CACNA2D1: variants seen among roughly 807,000 people sequenced by gnomAD.
The protein encoded by CACNA2D1 is calcium voltage-gated channel auxiliary subunit alpha2delta 1.
A neutral mutation model predicts 171.5 loss-of-function variants in CACNA2D1; 53 were observed. The observed-to-expected ratio is 0.31, with a 90% CI of 0.25 to 0.39. The LOEUF is 0.39. Among genes scored for constraint, CACNA2D1 ranks in the 10% least tolerant of loss-of-function variants. The probability of loss-of-function intolerance (pLI) is 1.00; values close to 1 mark genes in which losing one functional copy is unlikely to be tolerated. For synonymous variants in CACNA2D1, 442 were observed against 443.1 expected, an observed-to-expected ratio of 1.00 and a Z score of 0.03; for missense variants, 903 against 1,299.8, an observed-to-expected ratio of 0.69 and a Z score of 4.69.
chr7:82,434,993 T>C (rs1830000746), intron 1 of CACNA2D1, among the ~76,000 whole-genome samples: 1 of 151,956 alleles, frequency 6.6e-6, no homozygotes, highest in Non-Finnish European at 1.5e-5. Flanking sequence ...TTCAAAAGTA[T>C]TGCTCTCTGA....
intron 12 of CACNA2D1, among the ~76,000 whole-genome samples, chr7:82,031,749 A>C (rs1802727817): frequency 6.6e-6 from 1 of 151,918 alleles, no homozygotes; most frequent in East Asian, 1.9e-4. Flanking sequence ...AACCATCTGA[A>C]CATATTCATT....
At chr7:82,298,035 C>A (rs1812517187) in intron 3 of CACNA2D1, among the ~76,000 whole-genome samples, 1 of 151,864 alleles carries the variant, frequency 6.6e-6, no homozygotes, top group Non-Finnish European at 1.5e-5. Context: ...TGAAATACAT[C>A]ACTAACTAGA....
chr7:82,105,538 T>C (rs1787655337), intron 6 of CACNA2D1, among the ~76,000 whole-genome samples: 1 of 150,896 alleles, frequency 6.6e-6, no homozygotes, highest in African/African-American at 2.4e-5. Context: ...GTAGATTAAA[T>C]AGAGGAGCCA....
chr7:82,169,633 A>G (rs75588627), intron 4 of CACNA2D1, among the ~76,000 whole-genome samples: 2,231 of 152,146 alleles, frequency 0.015, 23 homozygotes, highest in Non-Finnish European at 0.022. Context: ...GCACAACTAC[A>G]TACCTTCAAA....
At chr7:81,992,428 G>T (rs1008225393) in intron 20 of CACNA2D1, among the ~76,000 whole-genome samples, 1 of 152,110 alleles carries the variant, frequency 6.6e-6, no homozygotes, top group African/African-American at 2.4e-5. Context: ...GTTTGTGTGT[G>T]AGCATGTGTG....
chr7:82,373,865 G>T (rs1254210330), intron 1 of CACNA2D1, among the ~76,000 whole-genome samples: 1 of 152,176 alleles, frequency 6.6e-6, no homozygotes, highest in African/African-American at 2.4e-5. Flanking sequence ...ACAAAAATAT[G>T]CAATTGGTGT....
intron 5 of CACNA2D1, among the ~76,000 whole-genome samples, chr7:82,128,485 C>T (rs1272598768): frequency 2.0e-5 from 3 of 152,102 alleles, no homozygotes; most frequent in African/African-American, 7.2e-5. Context: ...CATAAACTTT[C>T]CCACAAACTG....
At chr7:82,354,827 G>A (rs1246373191) in intron 1 of CACNA2D1, among the ~76,000 whole-genome samples, 3 of 151,960 alleles carry the variant, frequency 2.0e-5, no homozygotes. Context: ...GATACCAGCA[G>A]GTGAAAAAGA....
intron 1 of CACNA2D1, among the ~76,000 whole-genome samples, chr7:82,364,624 T>C (rs1821472831): frequency 6.6e-6 from 1 of 152,214 alleles, no homozygotes. Flanking sequence ...GGGCTCGAAT[T>C]AGAATCTTAT....
chr7:82,232,073 T>C (rs1191739197), intron 3 of CACNA2D1, among the ~76,000 whole-genome samples: 8 of 152,216 alleles, frequency 5.3e-5, no homozygotes, highest in Admixed American at 4.6e-4. Context: ...GTATTTTTCC[T>C]ACTTTTAAAA....
intron 5 of CACNA2D1, among the ~76,000 whole-genome samples, chr7:82,122,686 C>G (rs1476760329): frequency 7.9e-5 from 12 of 152,114 alleles, no homozygotes; most frequent in Admixed American, 7.2e-4. Flanking sequence ...TGATATTTAT[C>G]TTCTGCTCAA....
intron 12 of CACNA2D1, chr7:82,028,101 TGCTTCAAA>T (rs1465082530): frequency 2.6e-5 from 4 of 151,850 alleles, no homozygotes; most frequent in Non-Finnish European, 5.9e-5. Flanking sequence ...AGTTATTGCC[TGCTTCAAA>T]GCTTCAAAGG....
rs528833371 is a variant in CACNA2D1 at position 82,194,525 on chromosome 7, C to CT, written c.295-23917dup. On this transcript the variant is annotated intron_variant, in intron 3 of 38. Coordinates refer to ENST00000356860, the MANE Select transcript of CACNA2D1 (RefSeq NM_000722.4). ...ACATCCACTTTTCTTTATATCTTCA[C>CT]TTTTTTTAATGAATAATAGCTATTA... is the stretch of plus-strand genomic sequence containing the variant. Among the ~76,000 whole-genome samples, 388 of 151,786 alleles carry CT rather than the reference C, an allele frequency of 2.6e-3. 3 individuals are homozygous for CT. The highest frequency in any genetic ancestry group is 0.016 in the East Asian group (82 of 5,162).
intron 4 of CACNA2D1, among the ~76,000 whole-genome samples, chr7:82,159,208 C>T (rs1270752479): frequency 1.3e-5 from 2 of 151,758 alleles, no homozygotes; most frequent in Non-Finnish European, 2.9e-5. Flanking sequence ...TAACTTCTAG[C>T]TAAAAGTATG....
intron 4 of CACNA2D1, among the ~76,000 whole-genome samples, chr7:82,159,216 A>G (rs1225361425): frequency 2.6e-5 from 4 of 151,952 alleles, no homozygotes; most frequent in Non-Finnish European, 5.9e-5. Context: ...AGCTAAAAGT[A>G]TGAAACAAAA....
chr7:81,972,354 T>G (rs992517972), intron 25 of CACNA2D1, among the ~76,000 whole-genome samples: 4 of 151,828 alleles, frequency 2.6e-5, no homozygotes, highest in Admixed American at 2.0e-4. Flanking sequence ...TCATTTGTTA[T>G]AAGAAAAGCT....
intron 38 of CACNA2D1, 74 bp from the exon 39 acceptor site, chr7:81,950,582 C>A: frequency 6.6e-7 from 1 of 1,521,540 alleles, no homozygotes; most frequent in Non-Finnish European, 8.8e-7. Flanking sequence ...AGTAACACAT[C>A]TTTCAGAGTA....
intron 3 of CACNA2D1, among the ~76,000 whole-genome samples, chr7:82,215,182 G>A (rs1053322034): frequency 1.3e-5 from 2 of 152,170 alleles, no homozygotes; most frequent in African/African-American, 4.8e-5. Context: ...AGACAAGACA[G>A]ACCGCTCATT....
chr7:82,066,902 G>A (rs1019384241), intron 7 of CACNA2D1, among the ~76,000 whole-genome samples: 62 of 151,772 alleles, frequency 4.1e-4, no homozygotes, highest in African/African-American at 1.2e-3. Flanking sequence ...TTATATTTTC[G>A]TTCAATGCCA....
Sources: gnomAD v4.1 joint callset for allele counts (sites outside exome capture counted in the v4.1 genomes callset) on GRCh38, gnomAD v4.1.1 for gene constraint, MANE v1.5 for transcripts, NCBI Gene and HGNC (gene_info 2026-07-23, HGNC 2026-07-21) for gene names.